TGFB1: variants seen among roughly 807,000 people sequenced by gnomAD.
TGFB1 encodes the protein transforming growth factor beta 1.
TGFB1 carries 19 observed loss-of-function variants against 43.8 expected under a neutral mutation model. That is an observed-to-expected ratio of 0.43 (90% CI 0.30 to 0.64). TGFB1 has a LOEUF of 0.64. TGFB1 is among the 30% of genes least tolerant of loss of function. The pLI is 0.11. For synonymous variants in TGFB1, 221 were observed against 236.3 expected (o/e 0.94, Z 0.60); for missense variants, 445 against 529.8 (o/e 0.84, Z 1.57).
At chr19:41,344,212 T>G (rs375739196) in intron 3 of TGFB1, among the ~76,000 whole-genome samples, 1 of 151,762 alleles carries the variant, frequency 6.6e-6, no homozygotes, top group African/African-American at 2.4e-5. Context: ...TCAAAACTCC[T>G]GAGCTCCAGT....
rs774505337 is a variant in TGFB1 at position 41,352,830 on chromosome 19, G to A, written c.215C>T (p.Pro72Leu). ...CAGGGCGAGCACGGCCTCGGGCAGC[G>A]GGCCGGGCGGCACCTCCCCCTGGCT... ...PPSQGEVPPG[P>L]LPEAVLALYN... The change falls in exon 1 of 7, where the codon CCG becomes CTG. Residue 72 changes from proline to leucine, a missense_variant. Pro to Leu is a moderately conservative substitution (Grantham distance 98). Transcript: ENST00000221930. The A allele has an allele frequency of 3.2e-6, 5 of 1,581,224 alleles. No individual in the cohort carries two copies. The highest frequency in any genetic ancestry group is 4.3e-6 in the Non-Finnish European group (5 of 1,165,174).
chr19:41,334,419 AATGCCTTTTTTTTTTT>A (rs1019864778), intron 5 of TGFB1, among the ~76,000 whole-genome samples: 4 of 149,250 alleles, frequency 2.7e-5, no homozygotes, highest in African/African-American at 9.9e-5. Flanking sequence ...AAAAGTTGAC[AATGCCTTTTTTTTTTT>A]TTTTTTTTTT....
intron 2 of TGFB1, among the ~76,000 whole-genome samples, chr19:41,346,590 C>T (rs2038118460): frequency 6.6e-6 from 1 of 152,188 alleles, no homozygotes; most frequent in Non-Finnish European, 1.5e-5. Flanking sequence ...CTTGGAAGCT[C>T]CCTATCTTCT....
chr19:41,351,934 G>A (rs961480358), intron 1 of TGFB1, among the ~76,000 whole-genome samples: 4 of 151,766 alleles, frequency 2.6e-5, no homozygotes, highest in African/African-American at 9.7e-5. Flanking sequence ...CGATTCCTCC[G>A]CTGGGCTCCC....
rs1203938760 is a variant in TGFB1, at chr19:41,352,876, G to T, written c.169C>A (p.Leu57Met). ...EAIRGQILSK[L>M]RLASPPSQGE... Reference sequence around the variant, plus strand: ...TGGCTCGGGGGGCTGGCGAGCCGCAGCTTGGACAGGATCTGGCCGCGGATG... The same window carrying T: ...TGGCTCGGGGGGCTGGCGAGCCGCATCTTGGACAGGATCTGGCCGCGGATG... The change falls in exon 1 of 7, where the codon CTG becomes ATG. Residue 57 changes from leucine (L) to methionine (M), a missense_variant. Physicochemically the swap from Leu to Met is conservative, Grantham distance 15. Around this residue, in one of 3 missense-constraint regions of TGFB1, gnomAD observed 366 missense variants for 428.8 expected, o/e 0.85. Coordinates refer to ENST00000221930, the MANE Select transcript of TGFB1 (RefSeq NM_000660.7). 8.9e-6 allele frequency: 14 copies of T among 1,564,288 alleles called. No individual in the cohort carries two copies. The highest frequency in any genetic ancestry group is 1.2e-5 in the Non-Finnish European group (14 of 1,155,640).
intron 5 of TGFB1, among the ~76,000 whole-genome samples, chr19:41,339,166 T>A (rs2038024281): frequency 6.6e-6 from 1 of 151,032 alleles, no homozygotes; most frequent in Non-Finnish European, 1.5e-5. Context: ...TGCTCTGTCC[T>A]GAAATGCAGT....
Position 41,342,019 on chromosome 19 carries a change from C to T in TGFB1, c.724G>A (p.Gly242Ser), listed in dbSNP as rs745664232. 7.4e-6 allele frequency: 12 copies of T among 1,614,012 alleles called. No homozygotes were observed. Among genetic ancestry groups the T allele is most frequent in the African/African-American group, 2.7e-5 (2 of 74,910 alleles). ...LQVDINGFTT[G>S]RRGDLATIHG... is the part of the protein sequence containing the mutation. ...ATGGTGGCCAGGTCACCTCGGCGGC[C>T]GGTAGTGAACCCTGCTTTGGTGTGG... Residue 242 changes from glycine to serine, a missense_variant, in exon 5 of 7, where the codon GGC (glycine) becomes AGC (serine). By Grantham distance (56) the Gly-to-Ser change is moderately conservative. This residue lies in a region of TGFB1 where 366 missense variants were observed against 428.8 expected (regional missense o/e 0.85). Coordinates refer to ENST00000221930, the MANE Select transcript of TGFB1 (RefSeq NM_000660.7).
chr19:41,346,933 C>T (rs1474269692), intron 2 of TGFB1, among the ~76,000 whole-genome samples: 1 of 152,060 alleles, frequency 6.6e-6, no homozygotes, highest in Non-Finnish European at 1.5e-5. Flanking sequence ...GTCATGTTGG[C>T]CAGGCTGGTC....
In TGFB1 at chr19:41,332,197, C is replaced by G. The variant is rs766572720; in HGVS notation, c.945G>C (p.Lys315Asn). 3 of 1,614,052 alleles carry G rather than the reference C, an allele frequency of 1.9e-6. No homozygotes were observed. Among genetic ancestry groups the G allele is most frequent in the Admixed American group, 1.7e-5 (1 of 60,002 alleles). ...CGAGGCAGAAGTTGGCATGGTAGCC[C>G]TTGGGCTCGTGGATCCACTTCCAGC... ...DLGWKWIHEPKGYHANFCLGP... is the reference protein window; with the variant it reads ...DLGWKWIHEPNGYHANFCLGP... The change falls in exon 6 of 7, where the codon AAG (lysine) becomes AAC (asparagine). Residue 315 changes from lysine (K) to asparagine (N), a missense_variant. By Grantham distance (94) the Lys-to-Asn change is moderately conservative. Transcript: ENST00000221930.
At chr19:41,350,495 A>G (rs2038175196) in intron 1 of TGFB1, among the ~76,000 whole-genome samples, 1 of 151,434 alleles carries the variant, frequency 6.6e-6, no homozygotes, top group Admixed American at 6.6e-5. Flanking sequence ...TTTAGTAGAG[A>G]CCGGGTTTCA....
rs115690783 is a variant in TGFB1, at chr19:41,351,601, G to C, written c.355+1089C>G. Among the ~76,000 whole-genome samples, 1,293 of 152,320 alleles carry C rather than the reference G, an allele frequency of 8.5e-3. 16 individuals are homozygous for C. The highest frequency in any genetic ancestry group is 0.03 in the African/African-American group (1,229 of 41,576). On this transcript the variant is annotated intron_variant, in intron 1 of 6. Transcript: ENST00000221930. ...AGAGGAACTGGGACTTTGGGGTCCA[G>C]ACTGCCAGCGTTTAGCGCAGCGGGG...
intron 1 of TGFB1, 92 bp from the exon 2 acceptor site, chr19:41,348,547 C>T: frequency 8.1e-7 from 1 of 1,238,898 alleles, no homozygotes; most frequent in Non-Finnish European, 1.2e-6. Flanking sequence ...GAGCTGACAG[C>T]TCTGGGGTGG....
intron 1 of TGFB1, among the ~76,000 whole-genome samples, chr19:41,349,712 G>T (rs566410216): frequency 2.6e-5 from 4 of 152,158 alleles, no homozygotes; most frequent in Non-Finnish European, 4.4e-5. Flanking sequence ...TGCCGAGATT[G>T]CGCCACTGCA....
intron 5 of TGFB1, among the ~76,000 whole-genome samples, chr19:41,337,629 T>C (rs920691192): frequency 6.6e-6 from 1 of 152,082 alleles, no homozygotes; most frequent in Non-Finnish European, 1.5e-5. Context: ...TCTCTCTGTA[T>C]ATATATTCAG....
chr19:41,341,981 G>T lies in TGFB1; in HGVS notation c.762C>A (p.Asn254Lys). The T allele has an allele frequency of 6.2e-7, 1 of 1,614,204 alleles. No individual in the cohort carries two copies. The highest frequency in any genetic ancestry group is 8.5e-7 in the Non-Finnish European group (1 of 1,180,032). The change falls in exon 5 of 7, where the codon AAC becomes AAA. Residue 254 changes from asparagine to lysine, a missense_variant. Coordinates refer to ENST00000221930, the MANE Select transcript of TGFB1 (RefSeq NM_000660.7). The part of the protein sequence containing the change: ...RGDLATIHGM[N>K]RPFLLLMATP... ...TGGCCATGAGAAGCAGGAAAGGCCG[G>T]TTCATGCCATGAATGGTGGCCAGGT... is the stretch of plus-strand genomic sequence containing the variant.
At chr19:41,337,997 G>C (rs2038006905) in intron 5 of TGFB1, among the ~76,000 whole-genome samples, 3 of 152,156 alleles carry the variant, frequency 2.0e-5, no homozygotes, top group African/African-American at 7.2e-5. Flanking sequence ...TTCAAGACCA[G>C]CCTGGCCAAC....
chr19:41,351,847 C>T (rs1447729178), intron 1 of TGFB1, among the ~76,000 whole-genome samples: 1 of 151,910 alleles, frequency 6.6e-6, no homozygotes, highest in East Asian at 1.9e-4. Context: ...TCCCCGCTCA[C>T]ACCACCTTTC....
At chr19:41,339,784 A>T (rs1006184251) in intron 5 of TGFB1, among the ~76,000 whole-genome samples, 1 of 152,156 alleles carries the variant, frequency 6.6e-6, no homozygotes, top group African/African-American at 2.4e-5. Flanking sequence ...AGATCACGCC[A>T]CTGCACTCCA....
At position 41,353,015 on chromosome 19, in the gene TGFB1, C is replaced by A. The variant is rs747464480; in HGVS notation, c.30G>T (p.Pro10=). 7.0e-7 allele frequency: 1 copy of A among 1,420,172 alleles called. No homozygotes were observed. Among genetic ancestry groups the A allele is most frequent in the Non-Finnish European group, 9.5e-7 (1 of 1,053,322 alleles). The allele number at this position is 1,420,172 out of a possible 1,614,324, so 88.0% of individuals were successfully genotyped here. A position where few individuals can be genotyped will look rare whatever the true frequency, so the allele number is the denominator to read the frequency against. Residue 10 remains proline, a synonymous_variant, in exon 1 of 7, where the codon CCG becomes CCT. Coordinates refer to ENST00000221930, the MANE Select transcript of TGFB1 (RefSeq NM_000660.7). This position sits in a 1 kb window ranked among gnomAD's most constrained non-coding sequence, Gnocchi z 5.9. The stretch of plus-strand genomic sequence containing the variant: ...GTAGCCACAGCAGCGGTAGCAGCAG[C>A]GGCAGCAGCCGCAGCCCGGAGGGCG... MPPSGLRLL[P]LLLPLLWLLV...
Sources: gnomAD v4.1 joint callset for allele counts (sites outside exome capture counted in the v4.1 genomes callset) on GRCh38, gnomAD v4.1.1 for gene constraint, gnomAD v4.1.1 regional missense constraint, Gnocchi (gnomAD v3.1) non-coding constraint, MANE v1.5 for transcripts, NCBI Gene and HGNC (gene_info 2026-07-23, HGNC 2026-07-21) for gene names.